Variants in MMP26 observed in about 807,000 individuals in gnomAD.
MMP26 encodes the protein matrix metalloproteinase-26.
A neutral mutation model predicts 31.0 loss-of-function variants in MMP26; 33 were observed. That is an observed-to-expected ratio of 1.06 (90% CI 0.81 to 1.42). MMP26 has a LOEUF of 1.42. Among genes scored for constraint, MMP26 ranks in the 40% most tolerant of loss-of-function variants. The pLI, the probability that MMP26 is intolerant of heterozygous loss-of-function variation, is 0.00. For missense variants in MMP26, 347 were observed against 316.1 expected, an observed-to-expected ratio of 1.10 and a Z score of -0.74; for synonymous variants, 122 against 114.9, an observed-to-expected ratio of 1.06 and a Z score of -0.40.
intron 1 of MMP26, chr11:4,709,509 C>A (rs1847828707): frequency 8.1e-6 from 3 of 368,502 alleles, no homozygotes; most frequent in Admixed American, 3.5e-5. Context: ...AAATGCTTTT[C>A]TTCTCCATTA....
chr11:4,751,726 C>G (rs1848448917), intron 1 of MMP26, among the ~76,000 whole-genome samples: 1 of 151,868 alleles, frequency 6.6e-6, no homozygotes, highest in Admixed American at 6.6e-5. Context: ...TTAAAATGTT[C>G]TTAGGGCTGG....
Position 4,924,107 on chromosome 11 carries a change from G to C in MMP26, c.-144-63961G>C, listed in dbSNP as rs765114852. 6.2e-7 allele frequency: 1 copy of C among 1,614,144 alleles called. No homozygotes were observed. The highest frequency in any genetic ancestry group is 8.5e-7 in the Non-Finnish European group (1 of 1,180,032). ...AATGCCCAGCACAGTGGGCAGTGTG[G>C]AAAGGCAAAGGCCTAAGTCTGTGAC... On this transcript the variant is annotated intron_variant, in intron 2 of 7. Transcript: ENST00000380390.
chr11:4,980,320 G>A lies in MMP26; in HGVS notation c.-144-7748G>A, dbSNP rs748195654. On this transcript the variant is annotated intron_variant, in intron 2 of 7. Coordinates refer to ENST00000380390, the MANE Select transcript of MMP26 (RefSeq NM_021801.5). ...TTATGGAAAAAGTGTACCTCCTTTC[G>A]AAACCAGTGAATTTAACATGACAAG... is the stretch of plus-strand genomic sequence containing the variant. Among the ~76,000 whole-genome samples, 8 of 152,024 alleles carry A rather than the reference G, an allele frequency of 5.3e-5. No individual in the cohort carries two copies. The East Asian group carries it at 5.8e-4, about 11-fold the overall frequency.
chr11:4,873,104 G>A (rs1007794808), intron 2 of MMP26, among the ~76,000 whole-genome samples: 3 of 152,074 alleles, frequency 2.0e-5, no homozygotes, highest in African/African-American at 4.8e-5. Flanking sequence ...CAAATTTGAA[G>A]TCATTAATCA....
intron 2 of MMP26, chr11:4,769,736 A>G (rs749608304): frequency 2.5e-6 from 4 of 1,613,790 alleles, no homozygotes; most frequent in Non-Finnish European, 3.4e-6. Context: ...GAAATAATAC[A>G]TGGGTTCATG....
At chr11:4,724,634 A>G (rs189815197) in intron 1 of MMP26, among the ~76,000 whole-genome samples, 268 of 152,360 alleles carry the variant, frequency 1.8e-3, no homozygotes, top group Non-Finnish European at 3.3e-3. Flanking sequence ...TAAGGTTGCT[A>G]TGGTTCCTAC....
At chr11:4,838,262 G>C (rs1205887575) in intron 2 of MMP26, among the ~76,000 whole-genome samples, 1 of 130,388 alleles carries the variant, frequency 7.7e-6, no homozygotes, top group Non-Finnish European at 1.6e-5. Flanking sequence ...AACTTGCAGT[G>C]AGCCGAGATC....
chr11:4,920,127 ATTATGTT>A (rs1019996231), intron 2 of MMP26, among the ~76,000 whole-genome samples: 7 of 152,262 alleles, frequency 4.6e-5, no homozygotes, highest in Admixed American at 4.6e-4. Context: ...GGAATAGGCT[ATTATGTT>A]TTGTGGATAT....
At chr11:4,761,069 C>G (rs1460516366) in intron 1 of MMP26, among the ~76,000 whole-genome samples, 1 of 152,110 alleles carries the variant, frequency 6.6e-6, no homozygotes, top group Non-Finnish European at 1.5e-5. Flanking sequence ...GTTAGAAGCT[C>G]AAAGGGCTTA....
At chr11:4,756,071 T>C (rs943640429) in intron 1 of MMP26, among the ~76,000 whole-genome samples, 2 of 152,020 alleles carry the variant, frequency 1.3e-5, no homozygotes, top group South Asian at 4.1e-4. Context: ...GTAATGTAGG[T>C]AATAGCATCA....
chr11:4,897,242 C>G (rs1466801091), intron 2 of MMP26, among the ~76,000 whole-genome samples: 1 of 152,058 alleles, frequency 6.6e-6, no homozygotes, highest in African/African-American at 2.4e-5. Context: ...CTGGTTCAAG[C>G]AATTCTCCTG....
At chr11:4,939,369 G>A (rs1214665244) in intron 2 of MMP26, among the ~76,000 whole-genome samples, 2 of 151,994 alleles carry the variant, frequency 1.3e-5, no homozygotes, top group African/African-American at 4.8e-5. Context: ...TTTACCTCTT[G>A]GTTTGTCTTA....
At chr11:4,816,341 TA>T (rs1849418824) in intron 2 of MMP26, among the ~76,000 whole-genome samples, 1 of 152,210 alleles carries the variant, frequency 6.6e-6, no homozygotes, top group Non-Finnish European at 1.5e-5. Flanking sequence ...ATGTATTCTG[TA>T]GCTGCTGGAT....
rs1851043365 is a variant in MMP26, at chr11:4,914,546, C to CG, written c.-144-73522_-144-73521insG. The CG allele has an allele frequency of 1.5e-5, 7 of 478,540 alleles. No homozygotes were observed. In the South Asian group the frequency reaches 1.9e-4, roughly 13 times the overall value. The allele number at this position is 478,540 out of a possible 1,614,324, so 29.6% of individuals were successfully genotyped here. A position where few individuals can be genotyped will look rare whatever the true frequency, so the allele number is the denominator to read the frequency against. On this transcript the variant is annotated intron_variant, in intron 2 of 7. Coordinates refer to ENST00000380390, the MANE Select transcript of MMP26 (RefSeq NM_021801.5). ...TTTACCACATCATATTACATTTTAC[C>CG]CCCCCCTGCCCTGGCCACAACAGAG...
rs1303350556 is a variant in MMP26, at chr11:4,807,625, G to T, written c.-145+40284G>T. 2.0e-5 allele frequency among the ~76,000 whole-genome samples: 3 copies of T among 148,108 alleles called. 1 individual carries two copies. The highest frequency in any genetic ancestry group is 4.5e-5 in the Non-Finnish European group (3 of 66,854). ...CACACTGGGGGCCTGTCTGGGGGTGGGGGGTTGGGGGAGGGATAGCATTAG... is the reference window on the plus strand; with the variant it reads ...CACACTGGGGGCCTGTCTGGGGGTGTGGGGTTGGGGGAGGGATAGCATTAG... On this transcript the variant is annotated intron_variant, in intron 2 of 7. Coordinates refer to ENST00000380390, the MANE Select transcript of MMP26 (RefSeq NM_021801.5).
At chr11:4,967,507 T>C (rs1299546013) in intron 2 of MMP26, among the ~76,000 whole-genome samples, 6 of 152,344 alleles carry the variant, frequency 3.9e-5, no homozygotes, top group Non-Finnish European at 8.8e-5. Context: ...TGTGAATTTA[T>C]TCTCTTCTTG....
chr11:4,948,383 A>T (rs1483126410), intron 2 of MMP26, among the ~76,000 whole-genome samples: 1 of 124,810 alleles, frequency 8.0e-6, no homozygotes, highest in African/African-American at 2.7e-5. Flanking sequence ...TTTTCTCAAG[A>T]TGAAGTCTTC....
At position 4,990,632 on chromosome 11, in the gene MMP26, G is replaced by C; in HGVS notation, c.355G>C (p.Ala119Pro). 1.2e-6 allele frequency: 2 copies of C among 1,613,020 alleles called. No individual in the cohort carries two copies. Among genetic ancestry groups the C allele is most frequent in the Non-Finnish European group, 1.7e-6 (2 of 1,179,338 alleles). The change falls in exon 5 of 8, where the codon GCA (alanine) becomes CCA (proline). Residue 119 changes from alanine (A) to proline (P), a missense_variant. Transcript: ENST00000380390. ...TTACCCACATGATATGAAGCCATCC[G>C]CAGTGAAAGACAGTATATATAATGC... ...INYPHDMKPS[A>P]VKDSIYNAVS...
At chr11:4,714,590 G>C (rs986111921) in intron 1 of MMP26, among the ~76,000 whole-genome samples, 2 of 152,108 alleles carry the variant, frequency 1.3e-5, no homozygotes, top group African/African-American at 4.8e-5. Context: ...TGCCATTGGT[G>C]AACTACCAGT....
Sources: gnomAD v4.1 joint callset for allele counts (sites outside exome capture counted in the v4.1 genomes callset) on GRCh38, gnomAD v4.1.1 for gene constraint, MANE v1.5 for transcripts, NCBI Gene and HGNC (gene_info 2026-07-23, HGNC 2026-07-21) for gene names.